The following ARHGEF12 variants were observed in gnomAD, a reference collection of about 807,000 sequenced individuals.
ARHGEF12 encodes the protein Rho guanine nucleotide exchange factor 12.
ARHGEF12 carries 66 observed loss-of-function variants against 211.2 expected under a neutral mutation model. The ratio of observed to expected loss-of-function variants is 0.31; its 90% CI spans 0.26 to 0.38. The LOEUF (loss-of-function observed/expected upper bound fraction) is 0.38. Among genes scored for constraint, ARHGEF12 ranks in the 10% least tolerant of loss-of-function variants. The pLI is 1.00. For synonymous variants in ARHGEF12, 592 were observed against 638.4 expected (o/e 0.93, Z 1.09); for missense variants, 1,429 against 1,869.5 (o/e 0.76, Z 4.34).
chr11:120,484,495 G>A lies in ARHGEF12; in HGVS notation c.4612G>A (p.Asp1538Asn), dbSNP rs754025615. The A allele has an allele frequency of 1.2e-6, 2 of 1,613,996 alleles. No homozygotes were observed. Among genetic ancestry groups the A allele is most frequent in the South Asian group, 2.2e-5 (2 of 91,070 alleles). ...CQRLAGSALTDKHSDKS is the reference protein window; with the variant it reads ...CQRLAGSALTNKHSDKS ...AAGGCTGGCTGGATCAGCCCTCACA[G>A]ACAAGCACTCAGGTATGTAAAAGTT... The change falls in exon 40 of 41, where the codon GAC (aspartate) becomes AAC (asparagine). Residue 1538 changes from aspartate to asparagine, a missense_variant. Physicochemically the swap from Asp to Asn is conservative, Grantham distance 23 (BLOSUM62 1). Around this residue, in one of 7 missense-constraint regions of ARHGEF12, gnomAD observed 467 missense variants for 468.4 expected, o/e 1.00. Transcript: ENST00000397843.
rs1947405825 is a variant in ARHGEF12, at chr11:120,486,662, A to T, written c.*1585A>T. ...TCACATCTTTCATTGGTGCCCTCTG[A>T]ACTCTGTGGGTTGCTAGGATGTAAT... On this transcript the variant is annotated 3_prime_UTR_variant, in exon 41 of 41. Transcript: ENST00000397843. 4.5e-6 allele frequency: 1 copy of T among 223,586 alleles called. No individual in the cohort carries two copies. Among genetic ancestry groups the T allele is most frequent in the African/African-American group, 2.2e-5 (1 of 44,860 alleles). The allele number at this position is 223,586 out of a possible 1,614,324, so 13.9% of individuals were successfully genotyped here.
intron 15 of ARHGEF12, among the ~76,000 whole-genome samples, chr11:120,444,654 G>A (rs371888564): frequency 6.6e-6 from 1 of 152,052 alleles, no homozygotes; most frequent in East Asian, 1.9e-4. Flanking sequence ...ACTTAAATAG[G>A]TATACAATAC....
In ARHGEF12 at chr11:120,446,419, G is replaced by C; in HGVS notation, c.1362G>C (p.Glu454Asp). The C allele has an allele frequency of 6.2e-7, 1 of 1,612,702 alleles. No individual in the cohort carries two copies. The highest frequency in any genetic ancestry group is 1.1e-5 in the South Asian group (1 of 90,822). Residue 454 changes from glutamate to aspartate, a missense_variant, in exon 17 of 41, where the codon GAG becomes GAC. Around this residue, in one of 7 missense-constraint regions of ARHGEF12, gnomAD observed 373 missense variants for 467.5 expected, o/e 0.80. Coordinates refer to ENST00000397843, the MANE Select transcript of ARHGEF12 (RefSeq NM_015313.3). ...TTTATGAAGAAAAGAGAAGACCTGA[G>C]CTCATTCCTGAGGATCTGCATCGCC... Reference protein sequence around the residue: ...MSADLEKRRPELIPEDLHRHY... With the variant: ...MSADLEKRRPDLIPEDLHRHY...
chr11:120,358,272 G>A (rs1410556497), intron 1 of ARHGEF12, among the ~76,000 whole-genome samples: 2 of 152,096 alleles, frequency 1.3e-5, no homozygotes, highest in Non-Finnish European at 2.9e-5. Context: ...ACTTAAAAGC[G>A]AAGAGACAAA....
intron 22 of ARHGEF12, among the ~76,000 whole-genome samples, chr11:120,455,725 A>T (rs1946341618): frequency 6.6e-6 from 1 of 152,242 alleles, no homozygotes; most frequent in Non-Finnish European, 1.5e-5. Context: ...ACTGCTCCAG[A>T]TTGGAACACA....
intron 1 of ARHGEF12, among the ~76,000 whole-genome samples, chr11:120,387,244 G>T (rs1944063504): frequency 6.6e-6 from 1 of 151,648 alleles, no homozygotes; most frequent in Admixed American, 6.6e-5. Context: ...ATTGTGTGTG[G>T]TGGGGGGGGA....
At chr11:120,417,094 A>G (rs10892573) in intron 4 of ARHGEF12, among the ~76,000 whole-genome samples, 27,766 of 152,166 alleles carry the variant, frequency 0.18, 2,905 homozygotes, top group Non-Finnish European at 0.23. Flanking sequence ...TTTGTTAGAC[A>G]TTAAGCTAAC....
chr11:120,389,670 A>G (rs929365680), intron 1 of ARHGEF12, among the ~76,000 whole-genome samples: 2 of 151,898 alleles, frequency 1.3e-5, no homozygotes, highest in African/African-American at 4.8e-5. Context: ...TACTATAATC[A>G]CCCTCCACTA....
At chr11:120,390,181 A>G (rs1231460321) in intron 1 of ARHGEF12, among the ~76,000 whole-genome samples, 2 of 151,888 alleles carry the variant, frequency 1.3e-5, no homozygotes, top group African/African-American at 4.8e-5. Context: ...CAGGTCTGTG[A>G]TCTTTATGTT....
intron 4 of ARHGEF12, among the ~76,000 whole-genome samples, chr11:120,418,386 A>G (rs1945090723): frequency 1.3e-5 from 2 of 152,126 alleles, no homozygotes; most frequent in Admixed American, 1.3e-4. Context: ...TGTTTGTTGT[A>G]TGAGTAGTCC....
intron 11 of ARHGEF12, among the ~76,000 whole-genome samples, chr11:120,435,820 A>G (rs1404643272): frequency 6.6e-6 from 1 of 152,038 alleles, no homozygotes; most frequent in Non-Finnish European, 1.5e-5. Context: ...CCGGCCCCCA[A>G]GCTTTTGTGA....
chr11:120,479,840 A>G (rs1401162622), intron 37 of ARHGEF12, 120 bp from the exon 38 acceptor site: 2 of 740,988 alleles, frequency 2.7e-6, no homozygotes, highest in Non-Finnish European at 4.4e-6. Context: ...ACATTTTAAT[A>G]TGTCATTAAA....
At chr11:120,443,699 AGTTT>A (rs1369981668) in intron 15 of ARHGEF12, among the ~76,000 whole-genome samples, 8 of 152,154 alleles carry the variant, frequency 5.3e-5, no homozygotes, top group South Asian at 2.1e-4. Context: ...TTAGTTAGTT[AGTTT>A]GTTTACACAG....
At chr11:120,347,393 T>C (rs1942801174) in intron 1 of ARHGEF12, among the ~76,000 whole-genome samples, 1 of 151,722 alleles carries the variant, frequency 6.6e-6, no homozygotes, top group African/African-American at 2.4e-5. Flanking sequence ...TGAGCCTCTG[T>C]TGGAATGATG....
At chr11:120,359,402 T>TTATG (rs1943218765) in intron 1 of ARHGEF12, among the ~76,000 whole-genome samples, 1 of 152,074 alleles carries the variant, frequency 6.6e-6, no homozygotes, top group Non-Finnish European at 1.5e-5. Context: ...TATTTTATTT[T>TTATG]TATTTATTTA....
intron 39 of ARHGEF12, among the ~76,000 whole-genome samples, chr11:120,483,082 C>T (rs565022729): frequency 1.3e-5 from 2 of 152,152 alleles, no homozygotes; most frequent in African/African-American, 4.8e-5. Context: ...GTGTGAACTT[C>T]ACAGAGTGTA....
chr11:120,368,592 G>A (rs1262070813), intron 1 of ARHGEF12, among the ~76,000 whole-genome samples: 1 of 152,200 alleles, frequency 6.6e-6, no homozygotes, highest in Admixed American at 6.5e-5. Flanking sequence ...TTAAGGTTCA[G>A]TGACTTTCCA....
intron 1 of ARHGEF12, among the ~76,000 whole-genome samples, chr11:120,349,481 T>G (rs975279224): frequency 5.9e-5 from 9 of 152,264 alleles, no homozygotes; most frequent in African/African-American, 2.2e-4. Flanking sequence ...TTATATATTT[T>G]AGCCCTTGTA....
chr11:120,444,246 T>C lies in ARHGEF12; in HGVS notation c.1303-1176T>C, dbSNP rs999554053. 3.9e-5 allele frequency among the ~76,000 whole-genome samples: 6 copies of C among 152,322 alleles called. No homozygotes were observed. The East Asian group carries it at 1.2e-3, about 29-fold the overall frequency. ...TTACTTTCCTAAAAAAATGACAATATATTGAAGCATGTTTGAATTTTGCAT... is the reference window on the plus strand; with the variant it reads ...TTACTTTCCTAAAAAAATGACAATACATTGAAGCATGTTTGAATTTTGCAT... On this transcript the variant is annotated intron_variant, in intron 15 of 40. Transcript: ENST00000397843.
Sources: gnomAD v4.1 joint callset for allele counts (sites outside exome capture counted in the v4.1 genomes callset) on GRCh38, gnomAD v4.1.1 for gene constraint, gnomAD v4.1.1 regional missense constraint, MANE v1.5 for transcripts, NCBI Gene and HGNC (gene_info 2026-07-23, HGNC 2026-07-21) for gene names.